The following VDAC1 variants were observed in gnomAD, a reference collection of about 807,000 sequenced individuals.
VDAC1 encodes voltage dependent anion channel 1, also known as non-selective voltage-gated ion channel VDAC1.
In VDAC1, 10 loss-of-function variants were observed where a neutral mutation model predicts 34.7. That is an observed-to-expected ratio of 0.29 (90% CI 0.18 to 0.49). The LOEUF (loss-of-function observed/expected upper bound fraction) is 0.49. Among genes scored for constraint, VDAC1 ranks in the 20% least tolerant of loss-of-function variants. The pLI, the probability that VDAC1 is intolerant of heterozygous loss-of-function variation, is 0.99. For synonymous variants in VDAC1, 130 were observed against 136.0 expected (o/e 0.96, Z 0.30); for missense variants, 230 against 347.9 (o/e 0.66, Z 2.69).
the VDAC1 span, among the ~76,000 whole-genome samples, chr5:134,051,644 C>T: frequency 6.7e-6 from 1 of 150,120 alleles, no homozygotes; most frequent in East Asian, 2.0e-4. Context: ...TAAGGACACA[C>T]TACCCCTAGT....
chr5:133,985,348 A>G (rs541015449), intron 5 of VDAC1, among the ~76,000 whole-genome samples: 2 of 152,286 alleles, frequency 1.3e-5, no homozygotes, highest in Non-Finnish European at 2.9e-5. Flanking sequence ...AGTAACAACC[A>G]AATTATCTCT....
the VDAC1 span, among the ~76,000 whole-genome samples, chr5:134,056,470 A>C: frequency 1.9e-5 from 2 of 106,414 alleles, no homozygotes; most frequent in East Asian, 2.5e-4. Flanking sequence ...GACAGGGTTT[A>C]TCTCTGTTGC....
At chr5:134,067,722 GAGA>G in the VDAC1 span, among the ~76,000 whole-genome samples, 1 of 151,680 alleles carries the variant, frequency 6.6e-6, no homozygotes, top group Non-Finnish European at 1.5e-5. Flanking sequence ...GAGGGAGAAG[GAGA>G]AGGAGACAGA....
the VDAC1 span, among the ~76,000 whole-genome samples, chr5:134,082,257 C>A: frequency 2.0e-5 from 3 of 152,218 alleles, no homozygotes; most frequent in Non-Finnish European, 4.4e-5. Flanking sequence ...AACCACTGAT[C>A]TGCTTTCTGT....
chr5:134,104,091 A>C, the VDAC1 span, among the ~76,000 whole-genome samples: 1 of 151,784 alleles, frequency 6.6e-6, no homozygotes, highest in Non-Finnish European at 1.5e-5. Context: ...AAGTTACGTC[A>C]CTAGGGCCCA....
At chr5:133,985,414 C>G (rs548198744) in intron 5 of VDAC1, among the ~76,000 whole-genome samples, 2 of 152,292 alleles carry the variant, frequency 1.3e-5, no homozygotes, top group East Asian at 3.9e-4. Context: ...GTAATCCCAG[C>G]ACTCCAAGGA....
chr5:134,107,201 C>T, the VDAC1 span, among the ~76,000 whole-genome samples: 19 of 152,344 alleles, frequency 1.2e-4, no homozygotes, highest in African/African-American at 4.1e-4. Context: ...TGGGCAAAGC[C>T]GCACAGGAAG....
chr5:134,017,160 C>T, the VDAC1 span, among the ~76,000 whole-genome samples: 2 of 152,182 alleles, frequency 1.3e-5, no homozygotes, highest in East Asian at 3.8e-4. Flanking sequence ...TCCTTCATAG[C>T]TTGTAGCAAT....
chr5:133,973,769 TTCA>T lies in VDAC1; in HGVS notation c.760+19_760+21del, dbSNP rs1752381800. 1.2e-6 allele frequency: 2 copies of T among 1,604,732 alleles called. No homozygotes were observed. The highest frequency in any genetic ancestry group is 2.7e-5 in the African/African-American group (2 of 74,434). On this transcript the variant is annotated intron_variant, in intron 8 of 8. Transcript: ENST00000265333. ...AATTTTTTTAAGATAAAGAACCGATTTCACACACAAGCAACACATACCTGGCTT... is the reference window on the plus strand; with the variant it reads ...AATTTTTTTAAGATAAAGAACCGATTCACACAAGCAACACATACCTGGCTT...
chr5:134,011,607 C>G, the VDAC1 span, among the ~76,000 whole-genome samples: 1 of 151,330 alleles, frequency 6.6e-6, no homozygotes, highest in East Asian at 1.9e-4. Flanking sequence ...CCAAGTGTGC[C>G]CAATGTAATC....
the VDAC1 span, among the ~76,000 whole-genome samples, chr5:134,109,752 A>C: frequency 6.9e-6 from 1 of 144,432 alleles, no homozygotes; most frequent in South Asian, 2.2e-4. Context: ...CCTAGGCAAT[A>C]AAAGCAAGGC....
intron 2 of VDAC1, 147 bp from the exon 3 acceptor site, chr5:133,992,502 C>CTTG: frequency 1.9e-6 from 1 of 519,526 alleles, no homozygotes; most frequent in Non-Finnish European, 3.2e-6. Context: ...TGCTGCTGCT[C>CTTG]GTGGGGGGAG....
At chr5:134,042,394 C>G in the VDAC1 span, among the ~76,000 whole-genome samples, 1 of 152,242 alleles carries the variant, frequency 6.6e-6, no homozygotes, top group East Asian at 1.9e-4. Flanking sequence ...CAGGCCCATG[C>G]TGGGTGCCCA....
chr5:133,996,741 A>G (rs1185558600), intron 1 of VDAC1, among the ~76,000 whole-genome samples: 1 of 152,362 alleles, frequency 6.6e-6, no homozygotes, highest in East Asian at 1.9e-4. Flanking sequence ...AATGAGCATC[A>G]AAGTATTATT....
At chr5:134,016,215 C>G in the VDAC1 span, among the ~76,000 whole-genome samples, 10 of 152,162 alleles carry the variant, frequency 6.6e-5, no homozygotes, top group African/African-American at 1.9e-4. Flanking sequence ...AAGTGCAGAT[C>G]TCATTATTAT....
chr5:134,059,303 G>C, the VDAC1 span, among the ~76,000 whole-genome samples: 4 of 152,338 alleles, frequency 2.6e-5, no homozygotes, highest in African/African-American at 9.6e-5. Flanking sequence ...TCAGTGATGT[G>C]ATCCCAGGAG....
At chr5:134,019,001 C>A in the VDAC1 span, among the ~76,000 whole-genome samples, 1 of 152,132 alleles carries the variant, frequency 6.6e-6, no homozygotes, top group Admixed American at 6.5e-5. Flanking sequence ...TGTTTGGAAC[C>A]CTCCTTGACT....
chr5:134,069,570 A>G, the VDAC1 span, among the ~76,000 whole-genome samples: 1 of 152,152 alleles, frequency 6.6e-6, no homozygotes, highest in Non-Finnish European at 1.5e-5. Context: ...AGAAAGGTTG[A>G]ATCATCAGAC....
the VDAC1 span, among the ~76,000 whole-genome samples, chr5:134,089,801 C>T: frequency 1.3e-5 from 2 of 152,224 alleles, no homozygotes; most frequent in East Asian, 3.9e-4. Context: ...ACCAGCCTGG[C>T]CAACATGGTG....
Sources: gnomAD v4.1 joint callset for allele counts (sites outside exome capture counted in the v4.1 genomes callset) on GRCh38, gnomAD v4.1.1 for gene constraint, MANE v1.5 for transcripts, NCBI Gene and HGNC (gene_info 2026-07-23, HGNC 2026-07-21) for gene names.